Variants in NPEPPS observed in about 807,000 individuals in gnomAD.
NPEPPS encodes aminopeptidase puromycin sensitive, also known as puromycin-sensitive aminopeptidase.
In NPEPPS, 14 loss-of-function variants were observed where a neutral mutation model predicts 115.5. The ratio of observed to expected loss-of-function variants is 0.12; its 90% CI spans 0.08 to 0.19. The LOEUF (loss-of-function observed/expected upper bound fraction) is 0.19. NPEPPS is among the 10% of genes least tolerant of loss of function. NPEPPS has a pLI of 1.00. For missense variants in NPEPPS, 523 were observed against 1,110.8 expected, an observed-to-expected ratio of 0.47 and a Z score of 7.52; for synonymous variants, 285 against 390.6, an observed-to-expected ratio of 0.73 and a Z score of 3.19.
At chr17:47,537,243 A>G (rs1300391615) in intron 1 of NPEPPS, among the ~76,000 whole-genome samples, 2 of 152,148 alleles carry the variant, frequency 1.3e-5, no homozygotes, top group Admixed American at 6.6e-5. Context: ...AAGGAATTGA[A>G]TTTGTTCAGA....
At chr17:47,591,003 G>C in intron 10 of NPEPPS, 122 bp downstream of exon 10, 1 of 1,387,598 alleles carries the variant, frequency 7.2e-7, no homozygotes, top group Non-Finnish European at 9.7e-7. Context: ...GATTTTACTG[G>C]TTCATATTTC....
chr17:47,580,570 TCA>T lies in NPEPPS; in HGVS notation c.540+1062_540+1063del, dbSNP rs1329852396. Reference sequence around the variant, plus strand: ...TTGACATCCAGAGGTTGTCTGGCACTCACAGCTAGCCCATGTTATTCTCCCTA... The same window carrying T: ...TTGACATCCAGAGGTTGTCTGGCACTCAGCTAGCCCATGTTATTCTCCCTA... On this transcript the variant is annotated intron_variant, in intron 4 of 22. Coordinates refer to ENST00000322157, the MANE Select transcript of NPEPPS (RefSeq NM_006310.4). 9 of 152,326 alleles carry T rather than the reference TCA, an allele frequency of 5.9e-5. No individual in the cohort carries two copies. In the South Asian group the frequency reaches 1.0e-3, roughly 18 times the overall value. The allele number at this position is 152,326 out of a possible 1,614,324, so 9.4% of individuals were successfully genotyped here. A position where few individuals can be genotyped will look rare whatever the true frequency, so the allele number is the denominator to read the frequency against.
At chr17:47,608,073 C>G (rs1913622884) in intron 17 of NPEPPS, among the ~76,000 whole-genome samples, 1 of 151,888 alleles carries the variant, frequency 6.6e-6, no homozygotes, top group Non-Finnish European at 1.5e-5. Flanking sequence ...AACTCCTGGA[C>G]TCCAGAAATT....
At chr17:47,541,847 T>G (rs1296453461) in intron 1 of NPEPPS, among the ~76,000 whole-genome samples, 14 of 152,248 alleles carry the variant, frequency 9.2e-5, no homozygotes, top group African/African-American at 3.4e-4. Context: ...AAGCCATTCA[T>G]TAAATGACAT....
rs1347553236 is a variant in NPEPPS, at chr17:47,622,338, GGGT to G, written c.*423_*425del. 6.2e-5 allele frequency: 10 copies of G among 161,976 alleles called. No homozygotes were observed. The highest frequency in any genetic ancestry group is 1.1e-4 in the Non-Finnish European group (8 of 74,576). 10.0% of individuals were successfully genotyped at this position (161,976 alleles called of 1,614,324 possible). The stretch of plus-strand genomic sequence containing the variant: ...TTCTGCAAGGAGCCTATAAAGCCAA[GGGT>G]GGTGTCCATTTCTGGGAATGGTTAA... On this transcript the variant is annotated 3_prime_UTR_variant, in exon 23 of 23. Coordinates refer to ENST00000322157, the MANE Select transcript of NPEPPS (RefSeq NM_006310.4).
intron 1 of NPEPPS, 70 bp downstream of exon 1, chr17:47,531,625 C>G (rs1186926856): frequency 7.6e-6 from 11 of 1,450,400 alleles, no homozygotes; most frequent in Non-Finnish European, 1.0e-5. Flanking sequence ...GGGCTGGACT[C>G]AGGGCCCGGC....
chr17:47,529,752 T>C (rs1332451579), upstream of NPEPPS, among the ~76,000 whole-genome samples: 1 of 40,504 alleles, frequency 2.5e-5, no homozygotes, highest in African/African-American at 7.7e-5. Flanking sequence ...TATATATATA[T>C]ATATATATAT....
intron 2 of NPEPPS, among the ~76,000 whole-genome samples, chr17:47,564,924 C>A (rs1488083457): frequency 6.6e-6 from 1 of 151,928 alleles, no homozygotes; most frequent in Non-Finnish European, 1.5e-5. Flanking sequence ...TGTGATTTTT[C>A]ATTAATATAT....
At chr17:47,530,757 G>A (rs1387642645), upstream of NPEPPS, among the ~76,000 whole-genome samples, 1 of 152,332 alleles carries the variant, frequency 6.6e-6, no homozygotes, top group Admixed American at 6.5e-5. Context: ...TCGCTGACCT[G>A]GAGGCAGAAT....
intron 19 of NPEPPS, among the ~76,000 whole-genome samples, chr17:47,617,719 T>TA: frequency 6.6e-6 from 1 of 152,324 alleles, no homozygotes; most frequent in Middle Eastern, 3.4e-3. Context: ...ATTAGCCAGA[T>TA]ATCAATGATG....
intron 2 of NPEPPS, among the ~76,000 whole-genome samples, chr17:47,548,750 TA>T (rs1158343456): frequency 6.6e-6 from 1 of 151,774 alleles, no homozygotes. Context: ...CTAATTTTTG[TA>T]TTTTTAGTAG....
At chr17:47,542,511 A>C (rs960051048) in intron 1 of NPEPPS, among the ~76,000 whole-genome samples, 3 of 144,134 alleles carry the variant, frequency 2.1e-5, no homozygotes, top group Non-Finnish European at 4.5e-5. Flanking sequence ...ACGCCATTGC[A>C]CTCCAGCCTG....
chr17:47,548,514 A>G (rs556590639), intron 2 of NPEPPS, among the ~76,000 whole-genome samples: 1 of 151,616 alleles, frequency 6.6e-6, no homozygotes, highest in South Asian at 2.1e-4. Context: ...TCCAGCTGGC[A>G]TGGTTTCAGC....
At chr17:47,532,323 T>C (rs1650350076) in intron 1 of NPEPPS, among the ~76,000 whole-genome samples, 1 of 152,118 alleles carries the variant, frequency 6.6e-6, no homozygotes, top group African/African-American at 2.4e-5. Flanking sequence ...GCTGGTGGAT[T>C]TATTGCTACC....
intron 10 of NPEPPS, among the ~76,000 whole-genome samples, chr17:47,591,195 A>C (rs1389547661): frequency 2.6e-5 from 4 of 152,040 alleles, no homozygotes; most frequent in African/African-American, 7.2e-5. Flanking sequence ...AATATGGAGA[A>C]ACCCCGTCTT....
chr17:47,615,788 C>T (rs1167843833), intron 19 of NPEPPS, among the ~76,000 whole-genome samples: 1 of 152,060 alleles, frequency 6.6e-6, no homozygotes, highest in Non-Finnish European at 1.5e-5. Context: ...AGATTTTCCA[C>T]AAGTATGTGT....
intron 18 of NPEPPS, 101 bp downstream of exon 18, chr17:47,612,703 G>A (rs911587189): frequency 1.7e-4 from 206 of 1,183,280 alleles, no homozygotes; most frequent in Middle Eastern, 3.1e-4. Context: ...TTGCTCTGTC[G>A]CCCAGGCTGG....
rs1455475810 is a variant in NPEPPS, at chr17:47,609,278, G to A, written c.2096-3182G>A. Among the ~76,000 whole-genome samples the A allele has an allele frequency of 3.9e-5, 6 of 152,152 alleles. No homozygotes were observed. In the East Asian group the frequency reaches 7.7e-4, roughly 20 times the overall value. ...GTTGGTTTTAGATAGGAGCACAGATGAATAGTGACAGGATAGGAGTACATG... is the reference window on the plus strand; with the variant it reads ...GTTGGTTTTAGATAGGAGCACAGATAAATAGTGACAGGATAGGAGTACATG... On this transcript the variant is annotated intron_variant, in intron 17 of 22. Transcript: ENST00000322157.
chr17:47,562,752 TTTAG>T (rs1274601467), intron 2 of NPEPPS, among the ~76,000 whole-genome samples: 3 of 150,348 alleles, frequency 2.0e-5, no homozygotes, highest in Non-Finnish European at 3.0e-5. Context: ...AAATACCAAC[TTTAG>T]TTAATTTAAA....
Sources: allele counts gnomAD v4.1 joint callset (sites outside exome capture counted in the v4.1 genomes callset), GRCh38; gene constraint gnomAD v4.1.1; transcripts MANE v1.5; gene names NCBI Gene and HGNC (gene_info 2026-07-23, HGNC 2026-07-21).